Variants in MYO10 observed in about 807,000 individuals in gnomAD.
The protein encoded by MYO10 is unconventional myosin-X.
Under a neutral mutation model 257.3 loss-of-function variants are expected in MYO10, and 133 were observed. That is an observed-to-expected ratio of 0.52 (90% CI 0.45 to 0.60). The LOEUF (loss-of-function observed/expected upper bound fraction) is 0.60. Among genes scored for constraint, MYO10 ranks in the 20% least tolerant of loss-of-function variants. MYO10 has a pLI of 0.00. For synonymous variants in MYO10, 1,104 were observed against 1,028.6 expected (o/e 1.07, Z -1.40); for missense variants, 2,399 against 2,635.7 (o/e 0.91, Z 1.97).
intron 2 of MYO10, among the ~76,000 whole-genome samples, chr5:16,836,702 G>C (rs1455256689): frequency 6.6e-6 from 1 of 152,162 alleles, no homozygotes; most frequent in Admixed American, 6.6e-5. Flanking sequence ...CTTGATAGTT[G>C]TATTTATGCC....
chr5:16,835,326 A>G (rs941493014), intron 2 of MYO10, among the ~76,000 whole-genome samples: 38 of 151,876 alleles, frequency 2.5e-4, no homozygotes, highest in Non-Finnish European at 2.9e-5. Context: ...TGAGGTCAGG[A>G]GTTCGAGATC....
chr5:16,763,860 T>A, intron 12 of MYO10, 105 bp from the exon 13 acceptor site: 2 of 769,926 alleles, frequency 2.6e-6, no homozygotes, highest in Non-Finnish European at 4.3e-6. Flanking sequence ...TATCAATGCC[T>A]GTTGTCTGGC....
chr5:16,901,822 C>T (rs1028063267), intron 1 of MYO10, among the ~76,000 whole-genome samples: 5 of 152,152 alleles, frequency 3.3e-5, no homozygotes, highest in Non-Finnish European at 1.5e-5. Flanking sequence ...AATAGGAATT[C>T]CCATTCCCAC....
At chr5:16,834,197 C>A (rs1042831939) in intron 2 of MYO10, among the ~76,000 whole-genome samples, 4 of 152,132 alleles carry the variant, frequency 2.6e-5, no homozygotes, top group African/African-American at 9.7e-5. Flanking sequence ...AGCGGGCTGG[C>A]CTTCTCTCCC....
intron 1 of MYO10, among the ~76,000 whole-genome samples, chr5:16,927,620 G>C (rs542651868): frequency 1.3e-5 from 2 of 152,126 alleles, no homozygotes; most frequent in Non-Finnish European, 2.9e-5. Context: ...CACCGCGCCC[G>C]GCCTTTAACT....
At chr5:16,844,870 TC>T (rs941723705) in intron 2 of MYO10, among the ~76,000 whole-genome samples, 3 of 151,986 alleles carry the variant, frequency 2.0e-5, no homozygotes, top group Admixed American at 6.6e-5. Context: ...GTCCACCCCT[TC>T]TTACATTGCC....
intron 2 of MYO10, among the ~76,000 whole-genome samples, chr5:16,848,985 T>A (rs1023542666): frequency 6.6e-5 from 10 of 152,170 alleles, no homozygotes; most frequent in African/African-American, 2.4e-4. Context: ...AAACAGGGTT[T>A]CCCTCTGTTG....
At chr5:16,722,213 G>A (rs534270680) in intron 19 of MYO10, among the ~76,000 whole-genome samples, 2 of 152,274 alleles carry the variant, frequency 1.3e-5, no homozygotes, top group East Asian at 1.9e-4. Flanking sequence ...CCCAGCACAC[G>A]CTGTACTTGC....
In MYO10 at chr5:16,663,684, GAC is replaced by G. The variant is rs946671558; in HGVS notation, c.*3006_*3007del. 3 of 152,134 alleles carry G rather than the reference GAC, an allele frequency of 2.0e-5. No individual in the cohort carries two copies. Among genetic ancestry groups the G allele is most frequent in the African/African-American group, 7.2e-5 (3 of 41,406 alleles). The allele number at this position is 152,134 out of a possible 1,614,324, so 9.4% of individuals were successfully genotyped here. A position where few individuals can be genotyped will look rare whatever the true frequency, so the allele number is the denominator to read the frequency against. ...CTGTGCCTCTGCACTGTAGCCTGGT[GAC>G]AGAGTGAGACCCTGTCTCAAATAAA... On this transcript the variant is annotated 3_prime_UTR_variant, in exon 41 of 41. Coordinates refer to ENST00000513610, the MANE Select transcript of MYO10 (RefSeq NM_012334.3).
chr5:16,699,305 G>T (rs1737913092), intron 26 of MYO10, 145 bp downstream of exon 26: 10 of 1,069,800 alleles, frequency 9.3e-6, no homozygotes, highest in South Asian at 1.7e-5. Context: ...CTGAGGTAAG[G>T]GTAGGTAGAA....
intron 2 of MYO10, among the ~76,000 whole-genome samples, chr5:16,826,075 G>C (rs1224255840): frequency 6.6e-6 from 1 of 152,060 alleles, no homozygotes; most frequent in Non-Finnish European, 1.5e-5. Context: ...TTGAACCCGG[G>C]AGGCGGAGGT....
chr5:16,889,990 A>C (rs937498399), intron 1 of MYO10, among the ~76,000 whole-genome samples: 1 of 151,886 alleles, frequency 6.6e-6, no homozygotes, highest in Non-Finnish European at 1.5e-5. Flanking sequence ...CTGTTTTCAG[A>C]AAAAATACAC....
chr5:16,887,974 A>G (rs1001904026), intron 1 of MYO10, among the ~76,000 whole-genome samples: 1 of 152,256 alleles, frequency 6.6e-6, no homozygotes, highest in Non-Finnish European at 1.5e-5. Context: ...ATGTGACGAT[A>G]CAACAAATAA....
intron 2 of MYO10, among the ~76,000 whole-genome samples, chr5:16,865,006 G>A (rs952611293): frequency 6.6e-6 from 1 of 152,296 alleles, no homozygotes; most frequent in East Asian, 1.9e-4. Flanking sequence ...CCATCTCAGA[G>A]GTGGGTATTT....
intron 1 of MYO10, among the ~76,000 whole-genome samples, chr5:16,913,238 G>A (rs1255984127): frequency 6.6e-6 from 1 of 152,072 alleles, no homozygotes; most frequent in Non-Finnish European, 1.5e-5. Flanking sequence ...ACAAGCCACT[G>A]CCAAAATTCT....
chr5:16,715,919 G>A (rs1285354076), intron 19 of MYO10, among the ~76,000 whole-genome samples: 1 of 152,030 alleles, frequency 6.6e-6, no homozygotes, highest in African/African-American at 2.4e-5. Flanking sequence ...AGCCGAGTGT[G>A]GTGGCATGTG....
intron 9 of MYO10, 58 bp downstream of exon 9, chr5:16,779,487 G>T: frequency 9.7e-7 from 1 of 1,026,260 alleles, no homozygotes; most frequent in Non-Finnish European, 1.4e-6. Flanking sequence ...AATGAAATCT[G>T]TTACTCTTAA....
chr5:16,843,455 T>C (rs1282908659), intron 2 of MYO10, among the ~76,000 whole-genome samples: 1 of 152,234 alleles, frequency 6.6e-6, no homozygotes, highest in African/African-American at 2.4e-5. Context: ...CCCAAAAGAC[T>C]GAAGCCCACA....
chr5:16,859,933 G>A (rs1744062693), intron 2 of MYO10, among the ~76,000 whole-genome samples: 1 of 151,924 alleles, frequency 6.6e-6, no homozygotes, highest in African/African-American at 2.4e-5. Flanking sequence ...AAACAGGTAA[G>A]GGAAATTTCC....
Sources: allele counts gnomAD v4.1 joint callset (sites outside exome capture counted in the v4.1 genomes callset), GRCh38; gene constraint gnomAD v4.1.1; transcripts MANE v1.5; gene names NCBI Gene and HGNC (gene_info 2026-07-23, HGNC 2026-07-21).